Variants in ASCC3 observed in about 807,000 individuals in gnomAD.
ASCC3 encodes ASC-1 complex subunit P200.
In ASCC3, 158 loss-of-function variants were observed where a neutral mutation model predicts 256.3. That is an observed-to-expected ratio of 0.62 (90% CI 0.54 to 0.70). The LOEUF (loss-of-function observed/expected upper bound fraction) is 0.70. ASCC3 is among the 30% of genes least tolerant of loss of function. The pLI is 0.00. For synonymous variants in ASCC3, 948 were observed against 883.4 expected (o/e 1.07, Z -1.30); for missense variants, 2,259 against 2,626.0 (o/e 0.86, Z 3.05).
At chr6:100,865,592 A>G (rs1773437524) in intron 2 of ASCC3, among the ~76,000 whole-genome samples, 1 of 152,148 alleles carries the variant, frequency 6.6e-6, no homozygotes, top group Non-Finnish European at 1.5e-5. Flanking sequence ...TCTATCACAA[A>G]CCTGTTACAA....
At chr6:100,690,515 A>G (rs1008255562) in intron 13 of ASCC3, among the ~76,000 whole-genome samples, 4 of 152,280 alleles carry the variant, frequency 2.6e-5, no homozygotes, top group African/African-American at 7.2e-5. Context: ...AAATGTTAAA[A>G]TCCTCTATTA....
intron 36 of ASCC3, among the ~76,000 whole-genome samples, chr6:100,574,956 T>C (rs1770782960): frequency 6.6e-5 from 10 of 151,598 alleles, no homozygotes; most frequent in Admixed American, 6.6e-4. Flanking sequence ...GAAAGATACC[T>C]TTTTTCAAGA....
chr6:100,631,255 G>C, intron 25 of ASCC3, 42 bp from the exon 26 acceptor site: 1 of 1,452,180 alleles, frequency 6.9e-7, no homozygotes, highest in South Asian at 1.2e-5. Context: ...TATGAAAATA[G>C]TGATAGCATT....
Position 100,853,420 on chromosome 6 carries a change from CTT to C in ASCC3, c.242-4715_242-4714del, listed in dbSNP as rs11299576. Among the ~76,000 whole-genome samples the C allele has an allele frequency of 9.9e-4, 127 of 127,654 alleles. 3 individuals carry two copies. Among genetic ancestry groups the C allele is most frequent in the East Asian group, 7.2e-3 (31 of 4,308 alleles). 83.7% of individuals were successfully genotyped at this position (127,654 alleles called of 152,430 possible). On this transcript the variant is annotated intron_variant, in intron 3 of 41. Coordinates refer to ENST00000369162, the MANE Select transcript of ASCC3 (RefSeq NM_006828.4). ...TTGCATCCATAATTGATAAATATTC[CTT>C]TTTTTTTTTTTTTTTTTGAGACGGA...
chr6:100,735,132 A>G (rs1348153922), intron 10 of ASCC3, among the ~76,000 whole-genome samples: 1 of 152,166 alleles, frequency 6.6e-6, no homozygotes, highest in Non-Finnish European at 1.5e-5. Context: ...AGCATGATAG[A>G]AAGGGCAAAA....
chr6:100,840,645 TATTAC>T (rs949548291), intron 4 of ASCC3, among the ~76,000 whole-genome samples: 18 of 152,082 alleles, frequency 1.2e-4, no homozygotes, highest in Non-Finnish European at 2.1e-4. Flanking sequence ...CATTAAAAAT[TATTAC>T]ATTATAGATT....
Position 100,864,186 on chromosome 6 carries a change from A to C in ASCC3, c.119T>G (p.Val40Gly). 1 of 1,606,028 alleles carries C rather than the reference A, an allele frequency of 6.2e-7. No individual in the cohort carries two copies. The highest frequency in any genetic ancestry group is 8.5e-7 in the Non-Finnish European group (1 of 1,174,858). ...KIKRSKLHEQ[V>G]LDLGLTWKKI... ...CTTCCATGTCAGGCCCAAATCTAAA[A>C]CTTGTTCATGAAGTTTAGATCGCTT... The change falls in exon 3 of 42, where the codon GTT (valine) becomes GGT (glycine). Residue 40 changes from valine to glycine, a missense_variant. This residue lies in a region of ASCC3 where 420 missense variants were observed against 419.3 expected (regional missense o/e 1.00). Transcript: ENST00000369162.
intron 4 of ASCC3, among the ~76,000 whole-genome samples, chr6:100,845,491 A>G (rs969227324): frequency 6.6e-6 from 1 of 152,172 alleles, no homozygotes; most frequent in African/African-American, 2.4e-5. Flanking sequence ...AGGAGGAGAA[A>G]TGCCTCAGAG....
Position 100,851,591 on chromosome 6 carries a change from A to G in ASCC3, c.242-2884T>C, listed in dbSNP as rs184573928. 2.0e-3 allele frequency among the ~76,000 whole-genome samples: 309 copies of G among 152,344 alleles called. 1 individual carries two copies. The highest frequency in any genetic ancestry group is 6.8e-3 in the Middle Eastern group (2 of 294). On this transcript the variant is annotated intron_variant, in intron 3 of 41. Coordinates refer to ENST00000369162, the MANE Select transcript of ASCC3 (RefSeq NM_006828.4). ...TTTTAATAACCATTAACTTAAATCTATAATTTCAAAAATCACAAATACTTA... is the reference window on the plus strand; with the variant it reads ...TTTTAATAACCATTAACTTAAATCTGTAATTTCAAAAATCACAAATACTTA...
intron 4 of ASCC3, among the ~76,000 whole-genome samples, chr6:100,838,346 C>T: frequency 6.6e-6 from 1 of 151,898 alleles, no homozygotes; most frequent in African/African-American, 2.4e-5. Context: ...TTATAAATAG[C>T]AGATAATGTT....
chr6:100,586,456 G>T (rs1233839095), intron 36 of ASCC3, among the ~76,000 whole-genome samples: 1 of 152,170 alleles, frequency 6.6e-6, no homozygotes, highest in Admixed American at 6.5e-5. Flanking sequence ...ATTCGGGTGG[G>T]AGCGACCCGA....
chr6:100,820,474 A>G (rs547868111), intron 4 of ASCC3, among the ~76,000 whole-genome samples: 2 of 152,312 alleles, frequency 1.3e-5, no homozygotes, highest in South Asian at 4.1e-4. Context: ...CATACCATAT[A>G]AAAAATCAAC....
chr6:100,527,302 T>C (rs1562094675), intron 37 of ASCC3, among the ~76,000 whole-genome samples: 1 of 152,174 alleles, frequency 6.6e-6, no homozygotes, highest in Non-Finnish European at 1.5e-5. Flanking sequence ...TACTGTCTAT[T>C]TAAAGAGAAC....
intron 4 of ASCC3, among the ~76,000 whole-genome samples, chr6:100,845,327 A>T (rs1208844074): frequency 1.3e-5 from 2 of 152,222 alleles, no homozygotes; most frequent in Non-Finnish European, 2.9e-5. Flanking sequence ...CCAGCAAAGC[A>T]GACCAGGAAA....
chr6:100,648,024 T>C (rs1775471704), intron 20 of ASCC3, among the ~76,000 whole-genome samples: 1 of 152,158 alleles, frequency 6.6e-6, no homozygotes, highest in Admixed American at 6.6e-5. Flanking sequence ...AAAAATTGCA[T>C]TTAATTGATA....
At chr6:100,691,839 A>G (rs1018605664) in intron 13 of ASCC3, among the ~76,000 whole-genome samples, 1 of 151,942 alleles carries the variant, frequency 6.6e-6, no homozygotes, top group Non-Finnish European at 1.5e-5. Flanking sequence ...AAGTAGACCT[A>G]TGTTCAAATC....
intron 4 of ASCC3, among the ~76,000 whole-genome samples, chr6:100,815,942 C>G (rs1485645351): frequency 6.6e-6 from 1 of 152,010 alleles, no homozygotes. Context: ...AGCTTCTGTA[C>G]AGCAAAAGAA....
chr6:100,510,209 T>TA (rs1773695651), intron 40 of ASCC3, 102 bp from the exon 41 acceptor site: 1 of 1,226,706 alleles, frequency 8.2e-7, no homozygotes, highest in South Asian at 1.2e-5. Context: ...GCCATACATC[T>TA]ACATAGTTCA....
rs1774119092 is a variant in ASCC3 at position 100,517,985 on chromosome 6, A to G, written c.5927+6T>C. On this transcript the variant is annotated splice_donor_region_variant and intron_variant, in intron 38 of 41. Transcript: ENST00000369162. ...AAACAATTACATTGAAAAGTAAAAC[A>G]ATTACTTGAAAAGGTGAAGATGATG... 1 of 1,611,858 alleles carries G rather than the reference A, an allele frequency of 6.2e-7. No individual in the cohort carries two copies. The highest frequency in any genetic ancestry group is 2.2e-5 in the East Asian group (1 of 44,862).
Sources: gnomAD v4.1 joint callset for allele counts (sites outside exome capture counted in the v4.1 genomes callset) on GRCh38, gnomAD v4.1.1 for gene constraint, gnomAD v4.1.1 regional missense constraint, MANE v1.5 for transcripts, NCBI Gene and HGNC (gene_info 2026-07-23, HGNC 2026-07-21) for gene names.